Variants in SFXN5 observed in about 807,000 individuals in gnomAD.
The protein encoded by SFXN5 is sideroflexin-5.
In SFXN5, 43 loss-of-function variants were observed where a neutral mutation model predicts 50.2. That is an observed-to-expected ratio of 0.86 (90% CI 0.67 to 1.11). The LOEUF (loss-of-function observed/expected upper bound fraction) is 1.11, where lower values mean the gene tolerates loss of function less well. SFXN5 is among the 50% of genes least tolerant of loss of function. SFXN5 has a pLI of 0.00. For synonymous variants in SFXN5, 203 were observed against 185.8 expected (o/e 1.09, Z -0.75); for missense variants, 463 against 454.1 (o/e 1.02, Z -0.18).
intron 10 of SFXN5, among the ~76,000 whole-genome samples, chr2:72,986,733 T>G (rs979524964): frequency 6.6e-6 from 1 of 152,190 alleles, no homozygotes; most frequent in Non-Finnish European, 1.5e-5. Context: ...AAACAAGGTG[T>G]AGGCTTCTTA....
intron 9 of SFXN5, chr2:72,994,717 C>G (rs34605105): frequency 1.3e-5 from 2 of 152,560 alleles, no homozygotes; most frequent in African/African-American, 4.8e-5. Context: ...CCTGCACCAT[C>G]TGCGACACCC....
At chr2:72,983,057 G>A (rs1671510108) in intron 10 of SFXN5, among the ~76,000 whole-genome samples, 1 of 152,234 alleles carries the variant, frequency 6.6e-6, no homozygotes, top group Non-Finnish European at 1.5e-5. Context: ...GATGAGGCCT[G>A]GGGAGCTGTG....
At chr2:73,029,031 A>C (rs1677960360) in intron 3 of SFXN5, among the ~76,000 whole-genome samples, 1 of 152,158 alleles carries the variant, frequency 6.6e-6, no homozygotes, top group Admixed American at 6.5e-5. Context: ...TAAGCCTATG[A>C]TTCCCAGCCT....
intron 10 of SFXN5, among the ~76,000 whole-genome samples, chr2:72,984,008 C>T (rs929482152): frequency 6.6e-6 from 1 of 152,230 alleles, no homozygotes; most frequent in African/African-American, 2.4e-5. Flanking sequence ...CGTCAATTAA[C>T]GGAGGGCCCG....
rs1673700808 is a variant in SFXN5 at position 72,961,236 on chromosome 2, C to T, written c.840G>A (p.Leu280=). ...GGAGGAGCAGCCGGGGGCGTGCCTGCAGGAGAGCCGTCCTGTGAGGGAGAG... is the reference window on the plus strand; with the variant it reads ...GGAGGAGCAGCCGGGGGCGTGCCTGTAGGAGAGCCGTCCTGTGAGGGAGAG... ...VMSMLEKTAL[L]QARPRLLLPV... The change falls in exon 13 of 14, where the codon CTG becomes CTA. Residue 280 remains leucine, a synonymous_variant. Coordinates refer to ENST00000272433, the MANE Select transcript of SFXN5 (RefSeq NM_144579.3). The surrounding 1 kb of genome is among the most constrained non-coding windows in gnomAD (Gnocchi z 4.4). The T allele has an allele frequency of 3.3e-6, 5 of 1,534,210 alleles. No homozygotes were observed. Among genetic ancestry groups the T allele is most frequent in the African/African-American group, 2.8e-5 (2 of 70,484 alleles).
chr2:73,023,123 G>A lies in SFXN5; in HGVS notation c.276+65C>T, dbSNP rs139357218. 3 of 1,533,906 alleles carry A rather than the reference G, an allele frequency of 2.0e-6. No individual in the cohort carries two copies. In the East Asian group the frequency reaches 7.1e-5, roughly 36 times the overall value. Reference sequence around the variant, plus strand: ...GAGGGGGGCTTCCACTAGATCCCTGGGACAGGGCAGGGTGGAGTCCAGGAC... The same window carrying A: ...GAGGGGGGCTTCCACTAGATCCCTGAGACAGGGCAGGGTGGAGTCCAGGAC... On this transcript the variant is annotated intron_variant, in intron 4 of 13. Transcript: ENST00000272433.
intron 6 of SFXN5, among the ~76,000 whole-genome samples, chr2:73,007,819 A>T (rs901049558): frequency 6.6e-6 from 1 of 152,172 alleles, no homozygotes; most frequent in Non-Finnish European, 1.5e-5. Context: ...GTGGCTAATG[A>T]TCTGAAAGTT....
At position 72,944,787 on chromosome 2, in the gene SFXN5, A is replaced by G. The variant is rs112213210; in HGVS notation, c.*235T>C. The G allele has an allele frequency of 2.2e-4, 107 of 495,230 alleles. No individual in the cohort carries two copies. The highest frequency in any genetic ancestry group is 2.8e-4 in the Non-Finnish European group (78 of 279,560). The allele number at this position is 495,230 out of a possible 1,614,324, so 30.7% of individuals were successfully genotyped here. ...GAGTGGAGTTTTGACAACCCCACAT[A>G]AGGCCCAGAAATGCACTTGATTATT... On this transcript the variant is annotated 3_prime_UTR_variant, in exon 14 of 14. Coordinates refer to ENST00000272433, the MANE Select transcript of SFXN5 (RefSeq NM_144579.3).
At chr2:72,946,145 C>A (rs1671908509) in intron 13 of SFXN5, among the ~76,000 whole-genome samples, 1 of 151,620 alleles carries the variant, frequency 6.6e-6, no homozygotes, top group Non-Finnish European at 1.5e-5. Flanking sequence ...ACTCCGGGGC[C>A]CCCTCCTGGG....
At chr2:73,065,202 G>A (rs560861302) in intron 1 of SFXN5, among the ~76,000 whole-genome samples, 21 of 152,232 alleles carry the variant, frequency 1.4e-4, no homozygotes, top group African/African-American at 4.8e-4. Context: ...CTGGACTCAA[G>A]GGATCCTCCT....
intron 6 of SFXN5, among the ~76,000 whole-genome samples, chr2:73,012,663 C>CACACACACACAA (rs1675670340): frequency 1.4e-5 from 2 of 147,122 alleles, no homozygotes; most frequent in African/African-American, 5.1e-5. Flanking sequence ...CACACACACA[C>CACACACACACAA]ACACACACAC....
intron 1 of SFXN5, among the ~76,000 whole-genome samples, chr2:73,069,880 T>C (rs1402842670): frequency 6.6e-6 from 1 of 151,704 alleles, no homozygotes; most frequent in Non-Finnish European, 1.5e-5. Context: ...ATGCCTAACC[T>C]GTCTCCATCA....
intron 10 of SFXN5, among the ~76,000 whole-genome samples, chr2:72,982,003 C>T (rs967994477): frequency 1.4e-5 from 2 of 141,928 alleles, no homozygotes. Flanking sequence ...GTGTGCGTGC[C>T]ATTTTGAACA....
rs1385911944 is a variant in SFXN5, at chr2:72,949,235, T to C, written c.946-4136A>G. Among the ~76,000 whole-genome samples, 3 of 152,148 alleles carry C rather than the reference T, an allele frequency of 2.0e-5. 1 individual carries two copies. Among genetic ancestry groups the C allele is most frequent in the African/African-American group, 7.2e-5 (3 of 41,440 alleles). On this transcript the variant is annotated intron_variant, in intron 13 of 13. Coordinates refer to ENST00000272433, the MANE Select transcript of SFXN5 (RefSeq NM_144579.3). ...TGTGGCTGGGACAGGCAGAATCTTG[T>C]AGGCTACATGAAGGTGTCAGCATTT...
At chr2:73,045,663 G>C (rs1680226887) in intron 2 of SFXN5, among the ~76,000 whole-genome samples, 1 of 152,038 alleles carries the variant, frequency 6.6e-6, no homozygotes, top group African/African-American at 2.4e-5. Flanking sequence ...ACCACTGAGG[G>C]CAGGGCCGTG....
intron 13 of SFXN5, among the ~76,000 whole-genome samples, chr2:72,958,101 A>G (rs569157409): frequency 4.7e-4 from 72 of 152,296 alleles, no homozygotes; most frequent in African/African-American, 1.5e-3. Context: ...CTTTGCAGCC[A>G]GAGCTGGAGG....
chr2:73,012,649 AACACAC>A (rs57635824), intron 6 of SFXN5, among the ~76,000 whole-genome samples: 24,532 of 125,668 alleles, frequency 0.2, 2,253 homozygotes, highest in East Asian at 0.31. Flanking sequence ...CTAGCCAAAC[AACACAC>A]ACACACACAC....
chr2:73,019,209 T>G (rs1676526890), intron 6 of SFXN5, among the ~76,000 whole-genome samples: 1 of 152,130 alleles, frequency 6.6e-6, no homozygotes, highest in Non-Finnish European at 1.5e-5. Flanking sequence ...TACATTTATA[T>G]CAAGTTCAAT....
intron 1 of SFXN5, chr2:73,059,183 C>T: frequency 2.2e-5 from 22 of 986,276 alleles, no homozygotes; most frequent in Non-Finnish European, 2.5e-5. Context: ...AGAGCAGGGG[C>T]CGTGGAAAAG....
Sources: gnomAD v4.1 joint callset for allele counts (sites outside exome capture counted in the v4.1 genomes callset) on GRCh38, gnomAD v4.1.1 for gene constraint, Gnocchi (gnomAD v3.1) non-coding constraint, MANE v1.5 for transcripts, NCBI Gene and HGNC (gene_info 2026-07-23, HGNC 2026-07-21) for gene names.